The following GDF1 variants were observed in gnomAD, a reference collection of about 807,000 sequenced individuals.
GDF1 encodes the protein embryonic growth/differentiation factor 1.
A neutral mutation model predicts 7.4 loss-of-function variants in GDF1; 8 were observed. The ratio of observed to expected loss-of-function variants is 1.09; its 90% CI spans 0.64 to 1.96. GDF1 has a LOEUF of 1.96. GDF1 is among the 30% of genes most tolerant of loss of function. The pLI, the probability that GDF1 is intolerant of heterozygous loss-of-function variation, is 0.00. For missense variants in GDF1, 574 were observed against 551.5 expected (o/e 1.04, Z -0.41); for synonymous variants, 311 against 276.7 (o/e 1.12, Z -1.23).
At position 18,868,593 on chromosome 19, in the gene GDF1, CG is replaced by C. The variant is rs1233847850; in HGVS notation, c.*3del. ...GTTGGGCCCGCGTCCCTGCCCGCCCCGGGTTAGCGGCAGCCGCACTCGTCCA... is the reference window on the plus strand; with the variant it reads ...GTTGGGCCCGCGTCCCTGCCCGCCCCGGTTAGCGGCAGCCGCACTCGTCCA... On this transcript the variant is annotated 3_prime_UTR_variant, in exon 8 of 8. Coordinates refer to ENST00000247005, the MANE Select transcript of GDF1 (RefSeq NM_001492.6). 6.4e-7 allele frequency: 1 copy of C among 1,553,028 alleles called. No individual in the cohort carries two copies. Among genetic ancestry groups the C allele is most frequent in the Non-Finnish European group, 8.7e-7 (1 of 1,147,446 alleles).
At position 18,879,375 on chromosome 19, in the gene GDF1, G is replaced by C; in HGVS notation, c.-557C>G. On this transcript the variant is annotated 5_prime_UTR_variant, in exon 5 of 8. Coordinates refer to ENST00000247005, the MANE Select transcript of GDF1 (RefSeq NM_001492.6). ...AGGACCTTGAGCGGGAACCAGTAGA[G>C]GCGGAACCAGAACCTGCGGTGGGAG... 1 of 1,569,888 alleles carries C rather than the reference G, an allele frequency of 6.4e-7. No individual in the cohort carries two copies. The highest frequency in any genetic ancestry group is 8.6e-7 in the Non-Finnish European group (1 of 1,157,938).
In GDF1 at chr19:18,869,532, T is replaced by C. The variant is rs375438344; in HGVS notation, c.326-142A>G. 7.1e-4 allele frequency: 681 copies of C among 953,000 alleles called. 5 individuals carry two copies. The East Asian group carries it at 0.018, about 25-fold the overall frequency. The allele number at this position is 953,000 out of a possible 1,614,324, so 59.0% of individuals were successfully genotyped here. A position where few individuals can be genotyped will look rare whatever the true frequency, so the allele number is the denominator to read the frequency against. On this transcript the variant is annotated intron_variant, in intron 7 of 7. Transcript: ENST00000247005. ...AAGGGTGTGAAGCGGCGGGGTGGGC[T>C]GATGGAGTGGGGGCAGGGCATGAGT...
intron 6 of GDF1, among the ~76,000 whole-genome samples, chr19:18,871,930 G>A (rs1352456841): frequency 1.3e-5 from 2 of 152,216 alleles, no homozygotes; most frequent in Non-Finnish European, 2.9e-5. Context: ...TGACTCCAGG[G>A]ATTCCATTTC....
intron 6 of GDF1, among the ~76,000 whole-genome samples, chr19:18,872,429 C>T (rs2055987739): frequency 6.6e-6 from 1 of 152,126 alleles, no homozygotes; most frequent in African/African-American, 2.4e-5. Context: ...CTCACTGCAA[C>T]CTCTGCCTCC....
In GDF1 at chr19:18,879,288, TGAA is replaced by T. The variant is rs767220413; in HGVS notation, c.-473_-471del. The T allele has an allele frequency of 1.1e-5, 17 of 1,613,188 alleles. No individual in the cohort carries two copies. The highest frequency in any genetic ancestry group is 2.2e-5 in the East Asian group (1 of 44,862). On this transcript the variant is annotated 5_prime_UTR_variant, in exon 5 of 8. Transcript: ENST00000247005. ...AGGGTGAGCAGCAGCAGGAGCGCATTGAAGAAGAAGTAGAAGGGGATGTCAGGC... is the reference window on the plus strand; with the variant it reads ...AGGGTGAGCAGCAGCAGGAGCGCATTGAAGAAGTAGAAGGGGATGTCAGGC...
chr19:18,888,897 T>TC (rs2056428078), intron 2 of GDF1, among the ~76,000 whole-genome samples: 1 of 148,572 alleles, frequency 6.7e-6, no homozygotes, highest in African/African-American at 2.5e-5. Context: ...TTCTTTTTTT[T>TC]TTTTTTTTTT....
At chr19:18,892,497 C>G (rs1024670559) in intron 2 of GDF1, among the ~76,000 whole-genome samples, 2 of 151,952 alleles carry the variant, frequency 1.3e-5, no homozygotes, top group Admixed American at 6.5e-5. Context: ...GCCTGTGGTC[C>G]CAGCTACTCA....
At chr19:18,888,686 C>T (rs2056420656) in intron 2 of GDF1, among the ~76,000 whole-genome samples, 2 of 149,746 alleles carry the variant, frequency 1.3e-5, no homozygotes, top group East Asian at 4.0e-4. Flanking sequence ...CAAAATTAGC[C>T]GGGTGTGGTA....
intron 6 of GDF1, among the ~76,000 whole-genome samples, chr19:18,873,215 T>G (rs545982998): frequency 6.6e-6 from 1 of 152,004 alleles, no homozygotes; most frequent in East Asian, 1.9e-4. Flanking sequence ...GGGGGCTGAT[T>G]TGAGATATTT....
Position 18,885,511 on chromosome 19 carries a change from GTTTTTTTTT to G in GDF1, c.-913-1253_-913-1245del, listed in dbSNP as rs59793456. Among the ~76,000 whole-genome samples, 2 of 22,128 alleles carry G rather than the reference GTTTTTTTTT, an allele frequency of 9.0e-5. 1 individual carries two copies. Among genetic ancestry groups the G allele is most frequent in the African/African-American group, 2.3e-4 (2 of 8,712 alleles). 14.5% of individuals were successfully genotyped at this position (22,128 alleles called of 152,430 possible). On this transcript the variant is annotated intron_variant, in intron 2 of 7. Transcript: ENST00000247005. ...CTCACCCAGCCCAGCGCCCCTTCTC[GTTTTTTTTT>G]TTTTTTTTTTTTTTTTTGAGATGGA...
At chr19:18,894,192 G>T (rs965017498) in intron 1 of GDF1, among the ~76,000 whole-genome samples, 1 of 136,972 alleles carries the variant, frequency 7.3e-6, no homozygotes, top group Non-Finnish European at 1.5e-5. Context: ...ACCCTGAGGG[G>T]ACATTGGGAG....
At chr19:18,872,849 A>G (rs1347235681) in intron 6 of GDF1, among the ~76,000 whole-genome samples, 6 of 152,058 alleles carry the variant, frequency 3.9e-5, no homozygotes, top group African/African-American at 1.4e-4. Flanking sequence ...GGATTTCACC[A>G]CGTTGGCCAG....
At position 18,878,982 on chromosome 19, in the gene GDF1, G is replaced by A. The variant is rs1260273077; in HGVS notation, c.-365C>T. ...GCCTCGGCTGTGTCATACTCCCGCA[G>A]GTCCTTCAGCTCGTGCACCTGGCCT... On this transcript the variant is annotated 5_prime_UTR_variant, in exon 6 of 8. Coordinates refer to ENST00000247005, the MANE Select transcript of GDF1 (RefSeq NM_001492.6). This position sits in a 1 kb window ranked among gnomAD's most constrained non-coding sequence, Gnocchi z 4.6. 6.2e-7 allele frequency: 1 copy of A among 1,613,836 alleles called. No homozygotes were observed. Among genetic ancestry groups the A allele is most frequent in the Non-Finnish European group, 8.5e-7 (1 of 1,179,846 alleles).
At chr19:18,874,680 C>T (rs1055700461) in intron 6 of GDF1, among the ~76,000 whole-genome samples, 8 of 152,162 alleles carry the variant, frequency 5.3e-5, no homozygotes, top group African/African-American at 1.4e-4. Context: ...AAGGAAGCTA[C>T]GGGCGTCAGT....
At chr19:18,871,470 C>T (rs1291296686) in intron 6 of GDF1, among the ~76,000 whole-genome samples, 1 of 152,146 alleles carries the variant, frequency 6.6e-6, no homozygotes, top group South Asian at 2.1e-4. Context: ...GATCCGCCCA[C>T]CTTGGCCTCC....
At chr19:18,893,986 C>A (rs941292771) in intron 1 of GDF1, among the ~76,000 whole-genome samples, 1 of 151,598 alleles carries the variant, frequency 6.6e-6, no homozygotes, top group East Asian at 1.9e-4. Flanking sequence ...CCCATGGGAC[C>A]GACACAGAGG....
chr19:18,882,615 C>T lies in GDF1; in HGVS notation c.-733+1472G>A, dbSNP rs562172143. ...TCATGGCACTGCACTCCAGCCTGGG[C>T]GACAGAGCGAGACTCTGTCTCAAAA... is the stretch of plus-strand genomic sequence containing the variant. On this transcript the variant is annotated intron_variant, in intron 3 of 7. Coordinates refer to ENST00000247005, the MANE Select transcript of GDF1 (RefSeq NM_001492.6). Among the ~76,000 whole-genome samples, 148 of 149,964 alleles carry T rather than the reference C, an allele frequency of 9.9e-4. 2 individuals are homozygous for T. The highest frequency in any genetic ancestry group is 5.3e-4 in the Admixed American group (8 of 15,078).
chr19:18,879,234 G>A lies in GDF1; in HGVS notation c.-423+7C>T, dbSNP rs774208203. On this transcript the variant is annotated splice_region_variant and intron_variant, in intron 5 of 7. Transcript: ENST00000247005. ...GCCACTGTGGAGGAGAGCCGGGGCC[G>A]ACTCACCAGGAACCAGTAGAGGTTC... 3.3e-5 allele frequency: 53 copies of A among 1,613,310 alleles called. No homozygotes were observed. Among genetic ancestry groups the A allele is most frequent in the South Asian group, 4.4e-5 (4 of 91,008 alleles).
rs765754803 is a variant in GDF1 at position 18,893,573 on chromosome 19, G to A, written c.-1071C>T. On this transcript the variant is annotated splice_region_variant and 5_prime_UTR_variant, in exon 2 of 8. Coordinates refer to ENST00000247005, the MANE Select transcript of GDF1 (RefSeq NM_001492.6). ...GCTGGAGGCAGCACCGCTTCGCCAGGGGCTATGGGGGAGAAGACAGGCGGG... is the reference window on the plus strand; with the variant it reads ...GCTGGAGGCAGCACCGCTTCGCCAGAGGCTATGGGGGAGAAGACAGGCGGG... 9 of 1,606,728 alleles carry A rather than the reference G, an allele frequency of 5.6e-6. No homozygotes were observed. In the East Asian group the frequency reaches 1.6e-4, roughly 28 times the overall value.
Sources: gnomAD v4.1 joint callset for allele counts (sites outside exome capture counted in the v4.1 genomes callset) on GRCh38, gnomAD v4.1.1 for gene constraint, Gnocchi (gnomAD v3.1) non-coding constraint, MANE v1.5 for transcripts, NCBI Gene and HGNC (gene_info 2026-07-23, HGNC 2026-07-21) for gene names.